DOK6: variants seen among roughly 807,000 people sequenced by gnomAD.
DOK6 encodes the protein docking protein 6, also known as downstream of tyrosine kinase 6.
A neutral mutation model predicts 44.0 loss-of-function variants in DOK6; 22 were observed. That is an observed-to-expected ratio of 0.50 (90% CI 0.36 to 0.71). The LOEUF (loss-of-function observed/expected upper bound fraction) is 0.71. Among genes scored for constraint, DOK6 ranks in the 30% least tolerant of loss-of-function variants. DOK6 has a pLI of 0.00. For missense variants in DOK6, 340 were observed against 416.4 expected (o/e 0.82, Z 1.60); for synonymous variants, 166 against 145.5 (o/e 1.14, Z -1.01).
intron 5 of DOK6, among the ~76,000 whole-genome samples, chr18:69,702,997 ATT>A (rs1183077814): frequency 6.6e-6 from 1 of 152,080 alleles, no homozygotes; most frequent in African/African-American, 2.4e-5. Flanking sequence ...CAGAGTCTCC[ATT>A]TCTCAATAAA....
chr18:69,459,834 G>A (rs1456252832), intron 1 of DOK6, among the ~76,000 whole-genome samples: 1 of 152,138 alleles, frequency 6.6e-6, no homozygotes, highest in East Asian at 1.9e-4. Context: ...CATTTCAGAT[G>A]ATATTTGCTA....
chr18:69,450,939 C>T (rs1979444563), intron 1 of DOK6, among the ~76,000 whole-genome samples: 1 of 149,326 alleles, frequency 6.7e-6, no homozygotes, highest in African/African-American at 2.5e-5. Flanking sequence ...ACAACCGGTA[C>T]CAGCCGCTGC....
At chr18:69,446,487 T>A (rs1335047299) in intron 1 of DOK6, among the ~76,000 whole-genome samples, 1 of 152,106 alleles carries the variant, frequency 6.6e-6, no homozygotes, top group East Asian at 1.9e-4. Flanking sequence ...TCCAAGTCTT[T>A]GCTATTGTGA....
intron 3 of DOK6, chr18:69,660,405 T>C (rs1048054120): frequency 3.9e-5 from 6 of 152,216 alleles, no homozygotes; most frequent in Admixed American, 3.3e-4. Context: ...CAAGTCTCAA[T>C]GAGGCTAACC....
At chr18:69,813,552 C>A (rs146149105) in intron 7 of DOK6, among the ~76,000 whole-genome samples, 1 of 152,116 alleles carries the variant, frequency 6.6e-6, no homozygotes, top group Admixed American at 6.5e-5. Flanking sequence ...AACCCTCTAA[C>A]CTTGATGGGC....
At chr18:69,762,146 C>T (rs1311327874) in intron 7 of DOK6, among the ~76,000 whole-genome samples, 2 of 85,966 alleles carry the variant, frequency 2.3e-5, no homozygotes, top group African/African-American at 9.6e-5. Context: ...TCCATCTCTG[C>T]ATGCATACAT....
chr18:69,676,185 C>T (rs1377672417), intron 3 of DOK6, among the ~76,000 whole-genome samples: 3 of 152,114 alleles, frequency 2.0e-5, no homozygotes, highest in Non-Finnish European at 2.9e-5. Flanking sequence ...ACTGTACTTT[C>T]GTAAATAAAA....
intron 4 of DOK6, among the ~76,000 whole-genome samples, chr18:69,688,963 A>C (rs1338587158): frequency 6.6e-6 from 1 of 152,224 alleles, no homozygotes. Flanking sequence ...ATATATAAAG[A>C]TTTCTTATAT....
chr18:69,495,529 C>T (rs1169790088), intron 1 of DOK6, among the ~76,000 whole-genome samples: 6 of 152,230 alleles, frequency 3.9e-5, no homozygotes, highest in African/African-American at 1.4e-4. Context: ...GAGCCTGGGG[C>T]TTCTATAGGC....
chr18:69,846,615 C>G lies in DOK6; in HGVS notation c.*5232C>G, dbSNP rs1982349996. On this transcript the variant is annotated 3_prime_UTR_variant, in exon 8 of 8. Transcript: ENST00000382713. ...TATTGTCATCCAGTTCTTTGAAATT[C>G]AATCTTATCCTAAAGTGGTAGTCAA... 1 of 152,140 alleles carries G rather than the reference C, an allele frequency of 6.6e-6. No homozygotes were observed. The highest frequency in any genetic ancestry group is 6.5e-5 in the Admixed American group (1 of 15,284). The allele number at this position is 152,140 out of a possible 1,614,324, so 9.4% of individuals were successfully genotyped here.
At chr18:69,791,046 C>T (rs1164863094) in intron 7 of DOK6, among the ~76,000 whole-genome samples, 2 of 151,838 alleles carry the variant, frequency 1.3e-5, no homozygotes, top group Non-Finnish European at 2.9e-5. Context: ...TTTTCTGTGC[C>T]TGGTTTATTT....
intron 1 of DOK6, among the ~76,000 whole-genome samples, chr18:69,420,632 C>T (rs1978464475): frequency 6.6e-6 from 1 of 152,058 alleles, no homozygotes; most frequent in Admixed American, 6.6e-5. Context: ...CTAATGCTAT[C>T]CCTCATTTTA....
At chr18:69,522,183 C>T (rs1981705780) in intron 1 of DOK6, among the ~76,000 whole-genome samples, 1 of 151,684 alleles carries the variant, frequency 6.6e-6, no homozygotes, top group South Asian at 2.1e-4. Context: ...CATTTACTAA[C>T]AGTATATTGT....
chr18:69,664,547 G>A (rs2144674760), intron 3 of DOK6, among the ~76,000 whole-genome samples: 1 of 152,156 alleles, frequency 6.6e-6, no homozygotes, highest in East Asian at 1.9e-4. Context: ...AATTCCTAGT[G>A]GTGTAATGGT....
At chr18:69,591,141 A>G (rs1983612689) in intron 2 of DOK6, among the ~76,000 whole-genome samples, 1 of 152,156 alleles carries the variant, frequency 6.6e-6, no homozygotes, top group Non-Finnish European at 1.5e-5. Context: ...TGCCAATTTT[A>G]TTCTCATTTT....
chr18:69,419,276 G>A (rs867951384), intron 1 of DOK6, among the ~76,000 whole-genome samples: 5 of 152,094 alleles, frequency 3.3e-5, no homozygotes, highest in African/African-American at 9.7e-5. Flanking sequence ...TCCAAAACGC[G>A]CACATAGCTA....
chr18:69,607,319 A>T (rs1984026037), intron 3 of DOK6, among the ~76,000 whole-genome samples: 1 of 141,744 alleles, frequency 7.1e-6, no homozygotes, highest in South Asian at 2.2e-4. Flanking sequence ...TGAAGCCAGC[A>T]TAGTAACATC....
chr18:69,477,714 T>A (rs1327479216), intron 1 of DOK6, among the ~76,000 whole-genome samples: 1 of 152,202 alleles, frequency 6.6e-6, no homozygotes, highest in African/African-American at 2.4e-5. Context: ...AAAGAAAAAT[T>A]TTTGAACATT....
chr18:69,739,789 T>G (rs1326825312), intron 6 of DOK6, among the ~76,000 whole-genome samples: 1 of 152,180 alleles, frequency 6.6e-6, no homozygotes, highest in African/African-American at 2.4e-5. Flanking sequence ...TGAGTATTGT[T>G]TTTTCTCTAG....
Sources: allele counts gnomAD v4.1 joint callset (sites outside exome capture counted in the v4.1 genomes callset), GRCh38; gene constraint gnomAD v4.1.1; transcripts MANE v1.5; gene names NCBI Gene and HGNC (gene_info 2026-07-23, HGNC 2026-07-21).